The following KDM4B variants were observed in gnomAD, a reference collection of about 807,000 sequenced individuals.
KDM4B encodes the protein lysine-specific demethylase 4B.
In KDM4B, 32 loss-of-function variants were observed where a neutral mutation model predicts 125.2. The ratio of observed to expected loss-of-function variants is 0.26; its 90% CI spans 0.19 to 0.34. KDM4B has a LOEUF of 0.34. Ranked by LOEUF, KDM4B falls within the 10% of genes least tolerant of loss-of-function variation. KDM4B has a pLI of 1.00. For missense variants in KDM4B, 1,190 were observed against 1,577.7 expected (o/e 0.75, Z 4.16); for synonymous variants, 721 against 677.9 (o/e 1.06, Z -0.99).
rs768049285 is a variant in KDM4B, at chr19:5,035,901, G to A, written c.141+2870G>A. Among the ~76,000 whole-genome samples, 16 of 145,122 alleles carry A rather than the reference G, an allele frequency of 1.1e-4. No homozygotes were observed. The highest frequency in any genetic ancestry group is 2.7e-4 in the Admixed American group (4 of 14,900). On this transcript the variant is annotated intron_variant, in intron 3 of 22. Transcript: ENST00000159111. This position sits in a 1 kb window ranked among gnomAD's most constrained non-coding sequence, Gnocchi z 5.3. ...TGTGTGCGCGCGCGCGCGCGCCTGC[G>A]CGCACAGGAGACTGAGGTGGGGAGG...
At chr19:5,058,206 A>G (rs1296700812) in intron 6 of KDM4B, among the ~76,000 whole-genome samples, 1 of 151,524 alleles carries the variant, frequency 6.6e-6, no homozygotes, top group Non-Finnish European at 1.5e-5. Context: ...CAGGGTCTTG[A>G]GGTTGAAGAG....
intron 11 of KDM4B, among the ~76,000 whole-genome samples, chr19:5,130,615 A>G (rs972029541): frequency 3.3e-5 from 5 of 152,254 alleles, no homozygotes; most frequent in East Asian, 1.9e-4. Context: ...TTCTACATCA[A>G]CAGTAGAAAT....
At chr19:5,108,094 T>A (rs969951403) in intron 9 of KDM4B, among the ~76,000 whole-genome samples, 20 of 152,348 alleles carry the variant, frequency 1.3e-4, no homozygotes, top group South Asian at 6.2e-4. Context: ...GCTCAGGCCG[T>A]GCTCCAGGCC....
At position 5,060,433 on chromosome 19, in the gene KDM4B, C is replaced by CAAAAAAAAAAAAAAAAAAAAA. The variant is rs901472663; in HGVS notation, c.627-10567_627-10547dup. Among the ~76,000 whole-genome samples the CAAAAAAAAAAAAAAAAAAAAA allele has an allele frequency of 1.2e-4, 4 of 32,976 alleles. 1 individual carries two copies. Among genetic ancestry groups the CAAAAAAAAAAAAAAAAAAAAA allele is most frequent in the Non-Finnish European group, 2.6e-4 (4 of 15,472 alleles). The allele number at this position is 32,976 out of a possible 152,430, so 21.6% of individuals were successfully genotyped here. On this transcript the variant is annotated intron_variant, in intron 6 of 22. Transcript: ENST00000159111. ...GGGTGACGGAGGAAGACTCTGTCTC[C>CAAAAAAAAAAAAAAAAAAAAA]AAAAAAAAAAAAAAAAAAAAAAAAA... is the stretch of plus-strand genomic sequence containing the variant.
At chr19:5,049,146 C>T (rs918455191) in intron 6 of KDM4B, among the ~76,000 whole-genome samples, 30 of 152,106 alleles carry the variant, frequency 2.0e-4, no homozygotes, top group Non-Finnish European at 4.4e-5. Context: ...ACAGTGGCTC[C>T]CTGGAGGCGG....
chr19:5,047,765 C>T (rs985927378), intron 6 of KDM4B, 96 bp downstream of exon 6: 1 of 1,270,694 alleles, frequency 7.9e-7, no homozygotes, highest in African/African-American at 1.5e-5. Context: ...GGCAGGGGCC[C>T]CACCAGGTGA....
intron 9 of KDM4B, among the ~76,000 whole-genome samples, chr19:5,104,627 G>A (rs1035198715): frequency 3.3e-5 from 5 of 152,110 alleles, no homozygotes; most frequent in African/African-American, 7.2e-5. Flanking sequence ...GTCTGGGAAC[G>A]CCACTTCCAG....
Position 4,992,316 on chromosome 19 carries a change from A to C in KDM4B, c.-109+23086A>C, listed in dbSNP as rs7259022. On this transcript the variant is annotated intron_variant, in intron 1 of 22. Coordinates refer to ENST00000159111, the MANE Select transcript of KDM4B (RefSeq NM_015015.3). Reference sequence around the variant, plus strand: ...TTACGTACTGTGCTCCATCTGCCTTAGTTTCCGTGTGCTCTTCTTTTTCCA... The same window carrying C: ...TTACGTACTGTGCTCCATCTGCCTTCGTTTCCGTGTGCTCTTCTTTTTCCA... 4.2e-3 allele frequency among the ~76,000 whole-genome samples: 640 copies of C among 152,134 alleles called. 6 individuals are homozygous for C. The highest frequency in any genetic ancestry group is 0.015 in the African/African-American group (608 of 41,498).
At chr19:5,031,637 G>A (rs983008394) in intron 2 of KDM4B, among the ~76,000 whole-genome samples, 3 of 152,228 alleles carry the variant, frequency 2.0e-5, no homozygotes, top group Non-Finnish European at 4.4e-5. Context: ...TGCAGGCAGG[G>A]TATGGGGTGG....
intron 11 of KDM4B, among the ~76,000 whole-genome samples, chr19:5,127,353 C>G (rs983194999): frequency 2.6e-5 from 4 of 152,200 alleles, no homozygotes; most frequent in African/African-American, 9.7e-5. Context: ...GGTGTGCCGC[C>G]GTCTTTCAGG....
In KDM4B at chr19:5,123,542, C is replaced by T. The variant is rs572071391; in HGVS notation, c.1315+3690C>T. 2.6e-4 allele frequency among the ~76,000 whole-genome samples: 40 copies of T among 152,342 alleles called. No homozygotes were observed. In the South Asian group the frequency reaches 3.9e-3, roughly 15 times the overall value. ...CCCAAACAAGGTGGCACCCCAGGTC[C>T]GGGGGCTAGGACTGCAGCACCATTC... On this transcript the variant is annotated intron_variant, in intron 11 of 22. Coordinates refer to ENST00000159111, the MANE Select transcript of KDM4B (RefSeq NM_015015.3).
At chr19:5,071,753 G>T (rs1470753826) in intron 7 of KDM4B, among the ~76,000 whole-genome samples, 2 of 152,210 alleles carry the variant, frequency 1.3e-5, no homozygotes, top group Non-Finnish European at 2.9e-5. Context: ...ACCCAGCCCT[G>T]AGGCACTTGG....
At chr19:5,134,847 G>T (rs961032637) in intron 14 of KDM4B, among the ~76,000 whole-genome samples, 9 of 152,312 alleles carry the variant, frequency 5.9e-5, no homozygotes, top group Admixed American at 2.6e-4. Flanking sequence ...TGGATTTAGT[G>T]CTCTGGTTCC....
rs1368067504 is a variant in KDM4B at position 4,997,475 on chromosome 19, C to T, written c.-108-18782C>T. ...GTGTTTCCAACATGTCCACCCCAGC[C>T]GGCTGGGCCTGCGTACCCAGTGGGT... On this transcript the variant is annotated intron_variant, in intron 1 of 22. Transcript: ENST00000159111. The surrounding 1 kb of genome is among the most constrained non-coding windows in gnomAD (Gnocchi z 4.2). Among the ~76,000 whole-genome samples the T allele has an allele frequency of 1.3e-5, 2 of 152,132 alleles. No individual in the cohort carries two copies. Among genetic ancestry groups the T allele is most frequent in the African/African-American group, 2.4e-5 (1 of 41,492 alleles).
At chr19:5,147,585 A>C (rs2039873339) in intron 21 of KDM4B, among the ~76,000 whole-genome samples, 1 of 151,922 alleles carries the variant, frequency 6.6e-6, no homozygotes, top group Admixed American at 6.6e-5. Flanking sequence ...TCTCTACAAA[A>C]AAACAAAATT....
intron 9 of KDM4B, among the ~76,000 whole-genome samples, chr19:5,108,676 A>G (rs989726904): frequency 6.6e-6 from 1 of 152,236 alleles, no homozygotes; most frequent in Non-Finnish European, 1.5e-5. Flanking sequence ...CCCATTGAGC[A>G]CGGGTGGTGA....
At chr19:5,041,452 C>T (rs1488948931) in intron 5 of KDM4B, among the ~76,000 whole-genome samples, 1 of 152,136 alleles carries the variant, frequency 6.6e-6, no homozygotes, top group African/African-American at 2.4e-5. Flanking sequence ...CAGGGCCCCT[C>T]CTGCCTCACC....
At position 5,041,212 on chromosome 19, in the gene KDM4B, G is replaced by T; in HGVS notation, c.393G>T (p.Pro131=). The part of the protein sequence containing the change: ...KYWKNLTFVS[P]IYGADISGSL... ...GGAAGAACCTCACCTTTGTCTCCCC[G>T]ATCTACGGGGCTGACATCAGCGGCT... The change falls in exon 5 of 23, where the codon CCG becomes CCT. Residue 131 remains proline, a synonymous_variant. Coordinates refer to ENST00000159111, the MANE Select transcript of KDM4B (RefSeq NM_015015.3). The T allele has an allele frequency of 1.2e-6, 2 of 1,613,224 alleles. No individual in the cohort carries two copies. Among genetic ancestry groups the T allele is most frequent in the Non-Finnish European group, 1.7e-6 (2 of 1,179,382 alleles).
rs998238099 is a variant in KDM4B at position 5,064,525 on chromosome 19, G to A, written c.627-6485G>A. Among the ~76,000 whole-genome samples, 7 of 152,290 alleles carry A rather than the reference G, an allele frequency of 4.6e-5. No homozygotes were observed. The South Asian group carries it at 1.0e-3, about 23-fold the overall frequency. On this transcript the variant is annotated intron_variant, in intron 6 of 22. Coordinates refer to ENST00000159111, the MANE Select transcript of KDM4B (RefSeq NM_015015.3). Reference sequence around the variant, plus strand: ...TGGCACCTAATTGCCGAGAGCTTCCGCTGGCAGGAGCTGTCAGGCTGGGCC... The same window carrying A: ...TGGCACCTAATTGCCGAGAGCTTCCACTGGCAGGAGCTGTCAGGCTGGGCC...
Sources: allele counts gnomAD v4.1 joint callset (sites outside exome capture counted in the v4.1 genomes callset), GRCh38; gene constraint gnomAD v4.1.1; non-coding constraint Gnocchi (gnomAD v3.1); transcripts MANE v1.5; gene names NCBI Gene and HGNC (gene_info 2026-07-23, HGNC 2026-07-21).